The following UGT1A6 variants were observed in gnomAD, a reference collection of about 807,000 sequenced individuals.
The protein encoded by UGT1A6 is UDP glucuronosyltransferase family 1 member A6.
Under a neutral mutation model 44.4 loss-of-function variants are expected in UGT1A6, and 32 were observed. That is an observed-to-expected ratio of 0.72 (90% CI 0.54 to 0.97). The LOEUF (loss-of-function observed/expected upper bound fraction) is 0.97. Ranked by LOEUF, UGT1A6 falls within the 50% of genes least tolerant of loss-of-function variation. The pLI, the probability that UGT1A6 is intolerant of heterozygous loss-of-function variation, is 0.00. For synonymous variants in UGT1A6, 238 were observed against 248.5 expected, an observed-to-expected ratio of 0.96 and a Z score of 0.40; for missense variants, 685 against 661.9, an observed-to-expected ratio of 1.03 and a Z score of -0.38.
chr2:233,707,787 G>A (rs1320068182), intron 1 of UGT1A6, among the ~76,000 whole-genome samples: 1 of 152,136 alleles, frequency 6.6e-6, no homozygotes, highest in Non-Finnish European at 1.5e-5. Context: ...ATATACCTAG[G>A]GGTGGAGCTG....
rs34946247 is a variant in UGT1A6 at position 233,761,682 on chromosome 2, A to G, written c.862-5352A>G. Among the ~76,000 whole-genome samples, 259 of 152,380 alleles carry G rather than the reference A, an allele frequency of 1.7e-3. 1 individual carries two copies. The highest frequency in any genetic ancestry group is 5.9e-3 in the African/African-American group (244 of 41,588). On this transcript the variant is annotated intron_variant, in intron 1 of 4. Coordinates refer to ENST00000305139, the MANE Select transcript of UGT1A6 (RefSeq NM_001072.4). Reference sequence around the variant, plus strand: ...AATCACCAGACAGTCAGGTTCTGACATGATACAGAAAGGTTGTAGGTTTCA... The same window carrying G: ...AATCACCAGACAGTCAGGTTCTGACGTGATACAGAAAGGTTGTAGGTTTCA...
chr2:233,762,367 A>G lies in UGT1A6; in HGVS notation c.862-4667A>G, dbSNP rs34270252. ...GTTCTTTGTACTCCAGCTATTACAT[A>G]CCAATATGTATATAGAAACATATGT... On this transcript the variant is annotated intron_variant, in intron 1 of 4. Transcript: ENST00000305139. 2.9e-4 allele frequency among the ~76,000 whole-genome samples: 44 copies of G among 152,378 alleles called. 2 individuals are homozygous for G. The East Asian group carries it at 8.1e-3, about 28-fold the overall frequency.
At chr2:233,712,851 A>G in intron 1 of UGT1A6, 1 of 1,539,628 alleles carries the variant, frequency 6.5e-7, no homozygotes, top group East Asian at 2.4e-5. Context: ...ACGGGTAATA[A>G]GTAACTGGAG....
At position 233,772,339 on chromosome 2, in the gene UGT1A6, G is replaced by A; in HGVS notation, c.1379G>A (p.Trp460Ter). The change falls in exon 5 of 5, where the codon TGG (tryptophan) becomes TAG (stop). Residue 460 changes from tryptophan to a stop codon, truncating the protein, a stop_gained. Transcript: ENST00000305139. LOFTEE classifies it high-confidence loss of function. ...GAGCCGCTGGACCTGGCCGTGTTCT[G>A]GGTGGAGTTTGTGATGAGGCACAAG... ...PVEPLDLAVF[W>*]VEFVMRHKGA... 2 of 1,614,256 alleles carry A rather than the reference G, an allele frequency of 1.2e-6. No homozygotes were observed. The highest frequency in any genetic ancestry group is 1.7e-6 in the Non-Finnish European group (2 of 1,180,038).
At chr2:233,748,205 G>C in intron 1 of UGT1A6, 1 of 1,514,056 alleles carries the variant, frequency 6.6e-7, no homozygotes, top group South Asian at 1.3e-5. Flanking sequence ...TGTCGTAATA[G>C]CCTTCAGTGA....
intron 1 of UGT1A6, chr2:233,729,725 C>T (rs780989099): frequency 6.2e-7 from 1 of 1,613,968 alleles, no homozygotes; most frequent in South Asian, 1.1e-5. Flanking sequence ...TTACTAACAA[C>T]CAATTCAGAC....
intron 1 of UGT1A6, among the ~76,000 whole-genome samples, chr2:233,737,264 C>T (rs890532000): frequency 3.3e-5 from 5 of 152,196 alleles, no homozygotes; most frequent in South Asian, 2.1e-4. Flanking sequence ...TCAGCAATGG[C>T]GGACACCCCT....
chr2:233,715,394 A>G (rs1337290732), intron 1 of UGT1A6, among the ~76,000 whole-genome samples: 1 of 152,240 alleles, frequency 6.6e-6, no homozygotes, highest in Non-Finnish European at 1.5e-5. Context: ...TTATCATTAA[A>G]TAATAATCCT....
chr2:233,732,771 T>G (rs74968543), intron 1 of UGT1A6, among the ~76,000 whole-genome samples: 78 of 146,658 alleles, frequency 5.3e-4, no homozygotes, highest in Admixed American at 6.8e-5. Flanking sequence ...TTTTTTTTTT[T>G]GCTTAGGATT....
intron 1 of UGT1A6, chr2:233,754,796 A>T (rs1379144475): frequency 8.1e-7 from 1 of 1,232,848 alleles, no homozygotes; most frequent in African/African-American, 1.5e-5. Context: ...GAAATCCTGT[A>T]TCAAAAGAAG....
chr2:233,733,516 A>G (rs1473701197), intron 1 of UGT1A6, among the ~76,000 whole-genome samples: 1 of 152,232 alleles, frequency 6.6e-6, no homozygotes, highest in East Asian at 1.9e-4. Context: ...TTTAGGCATG[A>G]AGGGATGTTT....
chr2:233,772,669 CA>C lies in UGT1A6; in HGVS notation c.*111del. On this transcript the variant is annotated 3_prime_UTR_variant, in exon 5 of 5. Coordinates refer to ENST00000305139, the MANE Select transcript of UGT1A6 (RefSeq NM_001072.4). ...TTATTCTTATTAAGGAAATACTTTG[CA>C]TAAATTAATCAGCCCCAGAGTGCTT... 6.5e-7 allele frequency: 1 copy of C among 1,536,408 alleles called. No individual in the cohort carries two copies. The highest frequency in any genetic ancestry group is 1.4e-5 in the African/African-American group (1 of 72,618).
At chr2:233,760,286 C>T in intron 1 of UGT1A6, 1 of 1,613,058 alleles carries the variant, frequency 6.2e-7, no homozygotes, top group Non-Finnish European at 8.5e-7. Flanking sequence ...AGCAAAGGCG[C>T]CATGGCTGTG....
At chr2:233,745,085 C>G (rs1165304502) in intron 1 of UGT1A6, among the ~76,000 whole-genome samples, 3 of 151,730 alleles carry the variant, frequency 2.0e-5, no homozygotes, top group East Asian at 3.8e-4. Flanking sequence ...TTTCATTGCT[C>G]TTCCCCCCAA....
At position 233,744,967 on chromosome 2, in the gene UGT1A6, CTTT is replaced by C. The variant is rs1270032038; in HGVS notation, c.862-22066_862-22064del. On this transcript the variant is annotated intron_variant, in intron 1 of 4. Transcript: ENST00000305139. ...TTGTATATAACCTACCAATATCCTTCTTTAAGCCTCTAGTCATCTCTTGATTAC... is the reference window on the plus strand; with the variant it reads ...TTGTATATAACCTACCAATATCCTTCAAGCCTCTAGTCATCTCTTGATTAC... Among the ~76,000 whole-genome samples the C allele has an allele frequency of 3.3e-5, 5 of 151,902 alleles. No individual in the cohort carries two copies. In the East Asian group the frequency reaches 9.6e-4, roughly 29 times the overall value.
upstream of UGT1A6, chr2:233,691,972 G>C (rs1349071943): frequency 6.6e-6 from 1 of 152,224 alleles, no homozygotes; most frequent in East Asian, 1.9e-4. Context: ...GATCCCTTTC[G>C]ATCACACCTA....
At chr2:233,743,983 G>C in intron 1 of UGT1A6, 2 of 1,288,226 alleles carry the variant, frequency 1.6e-6, no homozygotes, top group Middle Eastern at 2.3e-4. Flanking sequence ...GCACCCAGGC[G>C]CAGGCCCGAG....
intron 1 of UGT1A6, chr2:233,729,623 C>A (rs142986334): frequency 6.2e-7 from 1 of 1,613,912 alleles, no homozygotes; most frequent in Non-Finnish European, 8.5e-7. Context: ...AAGTACCTGT[C>A]GATTCCTACT....
intron 1 of UGT1A6, among the ~76,000 whole-genome samples, chr2:233,738,578 G>A (rs893369002): frequency 6.6e-6 from 1 of 152,224 alleles, no homozygotes; most frequent in African/African-American, 2.4e-5. Context: ...GAGAACTGGA[G>A]CAAAGGTCAC....
Sources: allele counts gnomAD v4.1 joint callset (sites outside exome capture counted in the v4.1 genomes callset), GRCh38; gene constraint gnomAD v4.1.1; transcripts MANE v1.5; gene names NCBI Gene and HGNC (gene_info 2026-07-23, HGNC 2026-07-21).